The following SGSM1 variants were observed in gnomAD, a reference collection of about 807,000 sequenced individuals.
SGSM1 encodes the protein small G protein signaling modulator 1, also known as RUN and TBC1 domain containing 2.
A neutral mutation model predicts 133.8 loss-of-function variants in SGSM1; 73 were observed. The observed-to-expected ratio is 0.55, with a 90% CI of 0.45 to 0.66. The LOEUF is 0.66. SGSM1 is among the 30% of genes least tolerant of loss of function. SGSM1 has a pLI of 0.00. For synonymous variants in SGSM1, 563 were observed against 573.0 expected (o/e 0.98, Z 0.25); for missense variants, 1,213 against 1,448.1 (o/e 0.84, Z 2.64).
At chr22:24,865,844 G>T (rs1415700265) in intron 9 of SGSM1, among the ~76,000 whole-genome samples, 1 of 152,222 alleles carries the variant, frequency 6.6e-6, no homozygotes, top group Non-Finnish European at 1.5e-5. Flanking sequence ...GGCCAGGTCA[G>T]TTGGAAGTCT....
At chr22:24,818,157 A>G (rs113278461) in intron 2 of SGSM1, among the ~76,000 whole-genome samples, 42,574 of 150,434 alleles carry the variant, frequency 0.28, 6,688 homozygotes, top group East Asian at 0.59. Context: ...GCTTCAACCC[A>G]GGAGGCAGAG....
chr22:24,812,404 C>T (rs1404481091), intron 2 of SGSM1, among the ~76,000 whole-genome samples: 1 of 152,100 alleles, frequency 6.6e-6, no homozygotes. Context: ...CACTGTCAGT[C>T]CGTGGAGAAG....
intron 12 of SGSM1, among the ~76,000 whole-genome samples, chr22:24,872,505 C>T (rs144350896): frequency 1.1e-3 from 161 of 152,016 alleles, no homozygotes; most frequent in African/African-American, 3.7e-3. Flanking sequence ...AAAAAAGTCT[C>T]AATAATTTTA....
Position 24,847,494 on chromosome 22 carries a change from C to T in SGSM1, c.140-140C>T, listed in dbSNP as rs374283368. On this transcript the variant is annotated intron_variant, in intron 3 of 24. Coordinates refer to ENST00000400358, the MANE Select transcript of SGSM1 (RefSeq NM_001098497.3). ...TTATGCACCTATACAAGTGTGAGCTCCCTGTCTCTGGGGTAAGACAGAAGG... is the reference window on the plus strand; with the variant it reads ...TTATGCACCTATACAAGTGTGAGCTTCCTGTCTCTGGGGTAAGACAGAAGG... The T allele has an allele frequency of 4.6e-4, 492 of 1,067,414 alleles. 7 individuals are homozygous for T. In the South Asian group the frequency reaches 8.1e-3, roughly 18 times the overall value. 66.1% of individuals were successfully genotyped at this position (1,067,414 alleles called of 1,614,324 possible).
At chr22:24,846,894 G>A (rs1313656243) in intron 3 of SGSM1, among the ~76,000 whole-genome samples, 2 of 151,416 alleles carry the variant, frequency 1.3e-5, no homozygotes, top group Non-Finnish European at 2.9e-5. Context: ...AGGCTGGAGT[G>A]CAGTGGCGCG....
rs539130013 is a variant in SGSM1 at position 24,886,294 on chromosome 22, G to A, written c.1642-306G>A. Among the ~76,000 whole-genome samples, 5 of 152,048 alleles carry A rather than the reference G, an allele frequency of 3.3e-5. No individual in the cohort carries two copies. In the South Asian group the frequency reaches 6.2e-4, roughly 19 times the overall value. On this transcript the variant is annotated intron_variant, in intron 15 of 24. Transcript: ENST00000400358. ...CAAGCACTGGTAATCCCAGCTACTC[G>A]GGAGGCTGAGGCAGGAGAATCACTT...
intron 21 of SGSM1, among the ~76,000 whole-genome samples, chr22:24,909,676 G>A (rs1198031233): frequency 2.0e-5 from 3 of 151,908 alleles, no homozygotes; most frequent in African/African-American, 4.8e-5. Context: ...TGCTGGTCTC[G>A]AACTCCTGAC....
chr22:24,895,895 A>C (rs1402256053), intron 18 of SGSM1, among the ~76,000 whole-genome samples: 2 of 152,082 alleles, frequency 1.3e-5, no homozygotes, highest in Admixed American at 6.6e-5. Context: ...AAAATACGAA[A>C]AAAATCAGTT....
rs755232479 is a variant in SGSM1, at chr22:24,855,477, G to A, written c.669+47G>A. ...GCAGTGGGAGGGACCTTACATGAGGGCAGGAAGCAGGGTAGGAGCCCTGAA... is the reference window on the plus strand; with the variant it reads ...GCAGTGGGAGGGACCTTACATGAGGACAGGAAGCAGGGTAGGAGCCCTGAA... On this transcript the variant is annotated intron_variant, in intron 7 of 24. Coordinates refer to ENST00000400358, the MANE Select transcript of SGSM1 (RefSeq NM_001098497.3). 3 of 1,612,900 alleles carry A rather than the reference G, an allele frequency of 1.9e-6. No homozygotes were observed. The African/African-American group carries it at 4.0e-5, about 22-fold the overall frequency.
At chr22:24,849,319 C>T (rs911297298) in intron 4 of SGSM1, among the ~76,000 whole-genome samples, 1 of 151,662 alleles carries the variant, frequency 6.6e-6, no homozygotes, top group Non-Finnish European at 1.5e-5. Context: ...TTTGGGAGGC[C>T]AAGGTGGGCA....
At chr22:24,862,408 C>T (rs1931208488) in intron 9 of SGSM1, among the ~76,000 whole-genome samples, 1 of 152,174 alleles carries the variant, frequency 6.6e-6, no homozygotes, top group African/African-American at 2.4e-5. Flanking sequence ...TCCATTGTAG[C>T]ATTTAGAAGA....
chr22:24,871,671 C>T (rs1490736599), intron 12 of SGSM1, among the ~76,000 whole-genome samples: 3 of 152,160 alleles, frequency 2.0e-5, no homozygotes, highest in Admixed American at 6.5e-5. Context: ...GGGATTTGAA[C>T]GCTGGGGGTC....
In SGSM1 at chr22:24,917,565, G is replaced by A. The variant is rs889797917; in HGVS notation, c.2929-93G>A. ...AACTGGCTGTTAAGGACCGTATGGT[G>A]TCTGGTGTGTGGATGTACCACCATT... On this transcript the variant is annotated intron_variant, in intron 22 of 24. Coordinates refer to ENST00000400358, the MANE Select transcript of SGSM1 (RefSeq NM_001098497.3). 8 of 814,704 alleles carry A rather than the reference G, an allele frequency of 9.8e-6. No homozygotes were observed. In the East Asian group the frequency reaches 1.0e-4, roughly 10 times the overall value. The allele number at this position is 814,704 out of a possible 1,614,324, so 50.5% of individuals were successfully genotyped here.
In SGSM1 at chr22:24,897,963, T is replaced by C. The variant is rs768614556; in HGVS notation, c.2023-9T>C. 1 of 1,578,260 alleles carries C rather than the reference T, an allele frequency of 6.3e-7. No individual in the cohort carries two copies. On this transcript the variant is annotated splice_polypyrimidine_tract_variant and intron_variant, in intron 18 of 24. Transcript: ENST00000400358. Reference sequence around the variant, plus strand: ...CCGGTCCATCTGTTTTTGTGCACCTTGTCCTCAGGTGTTTGAGTCTGTGGA... The same window carrying C: ...CCGGTCCATCTGTTTTTGTGCACCTCGTCCTCAGGTGTTTGAGTCTGTGGA...
At chr22:24,849,515 G>T (rs984852281) in intron 4 of SGSM1, among the ~76,000 whole-genome samples, 25 of 152,280 alleles carry the variant, frequency 1.6e-4, no homozygotes, top group African/African-American at 6.0e-4. Flanking sequence ...TTGTGCCATT[G>T]CACTCCAGCC....
Position 24,884,062 on chromosome 22 carries a change from A to G in SGSM1, c.1505A>G (p.Tyr502Cys). Residue 502 changes from tyrosine to cysteine, a missense_variant, in exon 15 of 25, where the codon TAC becomes TGC. Transcript: ENST00000400358. ...CTCCCTCCCTCAACAGGGCTGGCCTACTGCAGACACCTGTCCACCGTGAGA... is the reference window on the plus strand; with the variant it reads ...CTCCCTCCCTCAACAGGGCTGGCCTGCTGCAGACACCTGTCCACCGTGAGA... ...LSRAFYGWLAYCRHLSTVRTH... is the reference protein window; with the variant it reads ...LSRAFYGWLACCRHLSTVRTH... 6.2e-7 allele frequency: 1 copy of G among 1,611,804 alleles called. No homozygotes were observed. The highest frequency in any genetic ancestry group is 1.1e-5 in the South Asian group (1 of 90,516).
At position 24,814,637 on chromosome 22, in the gene SGSM1, C is replaced by T. The variant is rs748944087; in HGVS notation, c.63+8153C>T. ...GTATTTATGGAGGGGTCAGGCACAC[C>T]GCGTGGCTCACCCTTTTGGGAGTAA... On this transcript the variant is annotated intron_variant, in intron 2 of 24. Coordinates refer to ENST00000400358, the MANE Select transcript of SGSM1 (RefSeq NM_001098497.3). Among the ~76,000 whole-genome samples, 16 of 152,188 alleles carry T rather than the reference C, an allele frequency of 1.1e-4. No homozygotes were observed. The East Asian group carries it at 2.3e-3, about 22-fold the overall frequency.
chr22:24,835,977 T>C (rs951316641), intron 2 of SGSM1, among the ~76,000 whole-genome samples: 11 of 152,232 alleles, frequency 7.2e-5, no homozygotes, highest in Admixed American at 6.5e-4. Flanking sequence ...ATATACATAA[T>C]ATAAAATGTG....
rs1255871242 is a variant in SGSM1, at chr22:24,847,793, G to A, written c.299G>A (p.Ser100Asn). The A allele has an allele frequency of 1.2e-6, 2 of 1,613,464 alleles. No individual in the cohort carries two copies. The highest frequency in any genetic ancestry group is 1.3e-5 in the African/African-American group (1 of 74,916). The change falls in exon 4 of 25, where the codon AGC becomes AAC. Residue 100 changes from serine to asparagine, a missense_variant. Ser to Asn is a conservative substitution (Grantham distance 46). Coordinates refer to ENST00000400358, the MANE Select transcript of SGSM1 (RefSeq NM_001098497.3). ...CAAGACCTGGAGCAGCTGATCGAGA[G>A]CGCGTGAGTGCAAAGCATGGGGCAC... is the stretch of plus-strand genomic sequence containing the variant. ...KVQDLEQLIESARNQIQGLQE... is the reference protein window; with the variant it reads ...KVQDLEQLIENARNQIQGLQE...
Sources: allele counts gnomAD v4.1 joint callset (sites outside exome capture counted in the v4.1 genomes callset), GRCh38; gene constraint gnomAD v4.1.1; transcripts MANE v1.5; gene names NCBI Gene and HGNC (gene_info 2026-07-23, HGNC 2026-07-21).